ROBO4: variants seen among roughly 807,000 people sequenced by gnomAD.
ROBO4 encodes roundabout guidance receptor 4, also known as roundabout homolog 4.
Under a neutral mutation model 103.3 loss-of-function variants are expected in ROBO4, and 80 were observed. The ratio of observed to expected loss-of-function variants is 0.77; its 90% CI spans 0.65 to 0.93. The LOEUF (loss-of-function observed/expected upper bound fraction) is 0.93, where lower values mean the gene tolerates loss of function less well. ROBO4 is among the 40% of genes least tolerant of loss of function. The probability of loss-of-function intolerance (pLI) is 0.00; values close to 1 mark genes in which losing one functional copy is unlikely to be tolerated. For synonymous variants in ROBO4, 504 were observed against 529.7 expected (o/e 0.95, Z 0.67); for missense variants, 1,333 against 1,305.3 (o/e 1.02, Z -0.33).
Position 124,885,169 on chromosome 11 carries a change from G to C in ROBO4, c.2873C>G (p.Pro958Arg). The change falls in exon 17 of 18, where the codon CCA becomes CGA. Residue 958 changes from proline (P) to arginine (R), a missense_variant. Coordinates refer to ENST00000306534, the MANE Select transcript of ROBO4 (RefSeq NM_019055.6). ...NLSLPLWEWR[P>R]DWLEDMEVSH... Reference sequence around the variant, plus strand: ...GACCTCCATGTCTTCCAACCAGTCTGGCCTCCACTCCCACAGGGGCAGGGA... The same window carrying C: ...GACCTCCATGTCTTCCAACCAGTCTCGCCTCCACTCCCACAGGGGCAGGGA... 6.2e-7 allele frequency: 1 copy of C among 1,614,002 alleles called. No homozygotes were observed. Among genetic ancestry groups the C allele is most frequent in the Non-Finnish European group, 8.5e-7 (1 of 1,180,012 alleles).
chr11:124,887,962 G>A lies in ROBO4; in HGVS notation c.1949-122C>T, dbSNP rs1465354954. The A allele has an allele frequency of 2.0e-5, 15 of 747,936 alleles. No homozygotes were observed. The Admixed American group carries it at 4.2e-4, about 21-fold the overall frequency. 46.3% of individuals were successfully genotyped at this position (747,936 alleles called of 1,614,324 possible). A position where few individuals can be genotyped will look rare whatever the true frequency, so the allele number is the denominator to read the frequency against. ...GACCCTGAACCCAGAGAAAAGAGGG[G>A]GAACCCCCTGAATCCCCTCCACACC... On this transcript the variant is annotated intron_variant, in intron 12 of 17. Coordinates refer to ENST00000306534, the MANE Select transcript of ROBO4 (RefSeq NM_019055.6).
chr11:124,889,131 A>G (rs1055845755), intron 12 of ROBO4, among the ~76,000 whole-genome samples: 6 of 152,222 alleles, frequency 3.9e-5, no homozygotes, highest in African/African-American at 1.4e-4. Context: ...ATGAAAACTC[A>G]TCAATGACTA....
intron 12 of ROBO4, among the ~76,000 whole-genome samples, chr11:124,888,921 G>A (rs1035170295): frequency 7.2e-5 from 11 of 152,312 alleles, no homozygotes; most frequent in Admixed American, 5.9e-4. Context: ...CCCATGACCA[G>A]AAGCCCAGCT....
intron 1 of ROBO4, chr11:124,897,515 TTC>T: frequency 1.7e-6 from 1 of 580,536 alleles, no homozygotes; most frequent in South Asian, 2.5e-5. Flanking sequence ...CTTTCTTTCT[TTC>T]TCTCTCAGTC....
intron 8 of ROBO4, 22 bp downstream of exon 8, chr11:124,894,179 G>A (rs769092821): frequency 1.3e-6 from 2 of 1,596,140 alleles, no homozygotes; most frequent in Non-Finnish European, 1.7e-6. Context: ...GGGTAGGGTG[G>A]GTCTGTGGGC....
intron 3 of ROBO4, 70 bp from the exon 4 acceptor site, chr11:124,896,388 G>T: frequency 6.3e-7 from 1 of 1,599,740 alleles, no homozygotes; most frequent in Non-Finnish European, 8.5e-7. Context: ...GAAGTTTGAG[G>T]CCCCCTGCTC....
rs201393279 is a variant in ROBO4, at chr11:124,897,142, G to T, written c.190C>A (p.Arg64Ser). 2.6e-6 allele frequency: 4 copies of T among 1,565,756 alleles called. No individual in the cohort carries two copies. In the African/African-American group the frequency reaches 4.1e-5, roughly 16 times the overall value. The change falls in exon 2 of 18, where the codon CGC becomes AGC. Residue 64 changes from arginine (R) to serine (S), a missense_variant. Physicochemically the swap from Arg to Ser is moderately radical, Grantham distance 110 (BLOSUM62 -1). Transcript: ENST00000306534. ...QASGQPPPTI[R>S]WLLNGQPLSM... ...AGGGGCTGCCCATTCAGCAACCAGC[G>T]GATGGTGGGAGGTGGCTGGCCTGAG...
chr11:124,895,349 T>A, intron 6 of ROBO4, 108 bp downstream of exon 6: 1 of 1,221,276 alleles, frequency 8.2e-7, no homozygotes, highest in Non-Finnish European at 1.2e-6. Flanking sequence ...AGTCCCAGGG[T>A]AGGACCCATA....
intron 8 of ROBO4, 43 bp from the exon 9 acceptor site, chr11:124,894,088 T>C (rs371637433): frequency 1.9e-5 from 29 of 1,542,746 alleles, no homozygotes; most frequent in Non-Finnish European, 2.4e-5. Flanking sequence ...AGTCGAGGCA[T>C]TGAGGGCCTG....
Position 124,886,602 on chromosome 11 carries a change from C to T in ROBO4, c.2656G>A (p.Ala886Thr), listed in dbSNP as rs371221952. Reference sequence around the variant, plus strand: ...CTGACAAGGCTGGCTCTGGCGCTGGCGGCATTGTCCTCAGAGGCTGAGCCC... The same window carrying T: ...CTGACAAGGCTGGCTCTGGCGCTGGTGGCATTGTCCTCAGAGGCTGAGCCC... ...GWGSASEDNA[A>T]SARASLVSSS... is the part of the protein sequence containing the mutation. Residue 886 changes from alanine to threonine, a missense_variant, in exon 16 of 18, where the codon GCC becomes ACC. By Grantham distance (58) the Ala-to-Thr change is moderately conservative. Transcript: ENST00000306534. 62 of 1,614,056 alleles carry T rather than the reference C, an allele frequency of 3.8e-5. No individual in the cohort carries two copies. The highest frequency in any genetic ancestry group is 1.6e-4 in the Middle Eastern group (1 of 6,084).
Position 124,896,212 on chromosome 11 carries a change from C to T in ROBO4, c.665G>A (p.Arg222Gln), listed in dbSNP as rs200599294. 39 of 1,613,914 alleles carry T rather than the reference C, an allele frequency of 2.4e-5. No individual in the cohort carries two copies. Among genetic ancestry groups the T allele is most frequent in the Admixed American group, 5.0e-5 (3 of 60,008 alleles). ...CCTGCCCTTACCCTGGATGGAAACC[C>T]GGGCTGCGCGGCTCTCCCTATGTCC... is the stretch of plus-strand genomic sequence containing the variant. ...SAGHRESRAA[R>Q]VSIQEPQDYT... Residue 222 changes from arginine (R) to glutamine (Q), a missense_variant, in exon 4 of 18, where the codon CGG becomes CAG. Arg to Gln is a conservative substitution (Grantham distance 43). Coordinates refer to ENST00000306534, the MANE Select transcript of ROBO4 (RefSeq NM_019055.6).
At chr11:124,892,360 T>C (rs1946813361) in intron 10 of ROBO4, 1 of 278,140 alleles carries the variant, frequency 3.6e-6, no homozygotes, top group African/African-American at 2.2e-5. Flanking sequence ...GGAGCTTCTC[T>C]GCGTAAGACC....
At chr11:124,896,053 C>T (rs1946883458) in intron 4 of ROBO4, 141 bp from the exon 5 acceptor site, 7 of 1,519,714 alleles carry the variant, frequency 4.6e-6, no homozygotes. Flanking sequence ...GATTTCTACT[C>T]TAGCAGGGGG....
At position 124,897,116 on chromosome 11, in the gene ROBO4, C is replaced by T; in HGVS notation, c.216G>A (p.Leu72=). The T allele has an allele frequency of 6.3e-7, 1 of 1,584,962 alleles. No individual in the cohort carries two copies. Among genetic ancestry groups the T allele is most frequent in the African/African-American group, 1.3e-5 (1 of 74,466 alleles). Residue 72 remains leucine (L), a synonymous_variant, in exon 2 of 18, where the codon CTG becomes CTA. Transcript: ENST00000306534. ...TIRWLLNGQP[L]SMVPPDPHHL... ...GGTGTGGGTCTGGGGGCACCATGCTCAGGGGCTGCCCATTCAGCAACCAGC... is the reference window on the plus strand; with the variant it reads ...GGTGTGGGTCTGGGGGCACCATGCTTAGGGGCTGCCCATTCAGCAACCAGC...
At chr11:124,889,380 G>A (rs1410477190) in intron 12 of ROBO4, among the ~76,000 whole-genome samples, 2 of 152,116 alleles carry the variant, frequency 1.3e-5, no homozygotes, top group Admixed American at 1.3e-4. Context: ...GCCTGGAAAA[G>A]GCCACTTTTA....
In ROBO4 at chr11:124,895,954, GTGA is replaced by G. The variant is rs1465456263; in HGVS notation, c.680-45_680-43del. The G allele has an allele frequency of 7.5e-6, 12 of 1,610,480 alleles. No homozygotes were observed. In the Admixed American group the frequency reaches 2.0e-4, roughly 27 times the overall value. ...GCTGGGCTGGGGCTTATAGGCCAGA[GTGA>G]CAGAACTGAGGCGTGGAACATCCCT... On this transcript the variant is annotated intron_variant, in intron 4 of 17. Transcript: ENST00000306534.
At chr11:124,886,866 T>A (rs1302325328) in intron 15 of ROBO4, 44 bp from the exon 16 acceptor site, 2 of 1,528,940 alleles carry the variant, frequency 1.3e-6, no homozygotes, top group Non-Finnish European at 1.8e-6. Flanking sequence ...TTGGGTGGAA[T>A]GAGGGTTGTA....
rs555523862 is a variant in ROBO4, at chr11:124,883,939, T to G, written c.*952A>C. On this transcript the variant is annotated 3_prime_UTR_variant, in exon 18 of 18. Transcript: ENST00000306534. ...TTCCCCATGCCTTAGACCATCCCACTTCCCTCAGCCATAAATATCCCTAAG... is the reference window on the plus strand; with the variant it reads ...TTCCCCATGCCTTAGACCATCCCACGTCCCTCAGCCATAAATATCCCTAAG... The G allele has an allele frequency of 4.6e-5, 7 of 152,264 alleles. No homozygotes were observed. In the South Asian group the frequency reaches 1.5e-3, roughly 32 times the overall value. 9.4% of individuals were successfully genotyped at this position (152,264 alleles called of 1,614,324 possible).
intron 10 of ROBO4, chr11:124,892,128 C>T (rs1048812029): frequency 1.9e-6 from 1 of 536,600 alleles, no homozygotes; most frequent in African/African-American, 1.9e-5. Context: ...CACAGCTTAG[C>T]TTGGGTAAGT....
Sources: gnomAD v4.1 joint callset for allele counts (sites outside exome capture counted in the v4.1 genomes callset) on GRCh38, gnomAD v4.1.1 for gene constraint, MANE v1.5 for transcripts, NCBI Gene and HGNC (gene_info 2026-07-23, HGNC 2026-07-21) for gene names.